Variants in CIBAR2 observed in about 807,000 individuals in gnomAD.
CIBAR2 encodes the protein CBY1 interacting BAR domain containing 2, also known as CBY1-interacting BAR domain-containing protein 2.
Under a neutral mutation model 36.2 loss-of-function variants are expected in CIBAR2, and 38 were observed. The ratio of observed to expected loss-of-function variants is 1.05; its 90% CI spans 0.81 to 1.38. The LOEUF is 1.38. Among genes scored for constraint, CIBAR2 ranks in the 40% most tolerant of loss-of-function variants. The probability of loss-of-function intolerance (pLI) is 0.00; values close to 1 mark genes in which losing one functional copy is unlikely to be tolerated. For missense variants in CIBAR2, 481 were observed against 383.4 expected (o/e 1.25, Z -2.13); for synonymous variants, 182 against 149.5 (o/e 1.22, Z -1.58).
chr16:85,099,798 T>C (rs575425375), intron 8 of CIBAR2, among the ~76,000 whole-genome samples: 1 of 15,214 alleles, frequency 6.6e-5, no homozygotes, highest in East Asian at 1.2e-3. Flanking sequence ...TAATTTTTGC[T>C]TTTTTTTTTT....
chr16:85,110,720 T>TTTTTC (rs778091487), intron 1 of CIBAR2, among the ~76,000 whole-genome samples: 10 of 135,470 alleles, frequency 7.4e-5, no homozygotes, highest in African/African-American at 2.6e-4. Context: ...TTTTTTTTTT[T>TTTTTC]TGGAGACAGA....
intron 2 of CIBAR2, among the ~76,000 whole-genome samples, chr16:85,108,886 A>G (rs2074018818): frequency 6.6e-6 from 1 of 152,094 alleles, no homozygotes; most frequent in Non-Finnish European, 1.5e-5. Flanking sequence ...GAAAACAAAA[A>G]ACAACAAAAA....
chr16:85,100,645 G>T (rs540747511), intron 7 of CIBAR2, among the ~76,000 whole-genome samples: 33 of 152,330 alleles, frequency 2.2e-4, no homozygotes, highest in African/African-American at 7.7e-4. Context: ...CCCATCAGGA[G>T]CTGGAATCAA....
chr16:85,111,734 C>T (rs1257727033), intron 1 of CIBAR2, among the ~76,000 whole-genome samples: 4 of 152,338 alleles, frequency 2.6e-5, no homozygotes, highest in East Asian at 3.9e-4. Flanking sequence ...GTCCCAGCTA[C>T]TTGGGAGGCT....
intron 7 of CIBAR2, among the ~76,000 whole-genome samples, chr16:85,100,781 C>T (rs1211012725): frequency 3.3e-5 from 5 of 152,150 alleles, no homozygotes; most frequent in Non-Finnish European, 7.4e-5. Flanking sequence ...GGCGCGGTGG[C>T]TCACACCTGT....
rs1241403155 is a variant in CIBAR2, at chr16:85,107,832, C to G, written c.426+14G>C. On this transcript the variant is annotated intron_variant, in intron 4 of 8. Transcript: ENST00000539556. ...GGCCCGGCAGCCCCAGGCCCCACTT[C>G]CAGGGAAGGATACGATCATTTGCTG... 1.9e-6 allele frequency: 3 copies of G among 1,610,172 alleles called. No individual in the cohort carries two copies. Among genetic ancestry groups the G allele is most frequent in the Non-Finnish European group, 2.6e-6 (3 of 1,176,394 alleles).
intron 1 of CIBAR2, among the ~76,000 whole-genome samples, chr16:85,111,368 A>G (rs1364445534): frequency 6.6e-6 from 1 of 152,190 alleles, no homozygotes; most frequent in Non-Finnish European, 1.5e-5. Flanking sequence ...TGAGGCCCAG[A>G]GAGGTGAAGC....
rs373050446 is a variant in CIBAR2, at chr16:85,108,125, T to C, written c.256-26A>G. The C allele has an allele frequency of 4.0e-5, 64 of 1,592,424 alleles. No homozygotes were observed. In the African/African-American group the frequency reaches 7.0e-4, roughly 17 times the overall value. ...CTGGGGGAGCGGGGACACCAGGGGA[T>C]CTGAGCGCAGGGTGCTGCCTGCCTC... On this transcript the variant is annotated intron_variant, in intron 2 of 8. Transcript: ENST00000539556.
At chr16:85,104,502 G>A (rs1014395501) in intron 6 of CIBAR2, among the ~76,000 whole-genome samples, 4 of 152,280 alleles carry the variant, frequency 2.6e-5, no homozygotes, top group East Asian at 1.9e-4. Context: ...GAGGTCAGGC[G>A]TTCGAGACCA....
rs1402949632 is a variant in CIBAR2, at chr16:85,110,370, G to T, written c.111C>A (p.Arg37=). The T allele has an allele frequency of 6.2e-7, 1 of 1,613,478 alleles. No homozygotes were observed. ...QFCSLLAAYT[R]KTARLRDKAD... is the part of the protein sequence containing the mutation. Reference sequence around the variant, plus strand: ...CCTTGTCCCGCAGCCGGGCCGTCTTGCGCGTGTAGGCGGCCAGCAGCGAGC... The same window carrying T: ...CCTTGTCCCGCAGCCGGGCCGTCTTTCGCGTGTAGGCGGCCAGCAGCGAGC... The change falls in exon 2 of 9, where the codon CGC becomes CGA. Residue 37 remains arginine, a synonymous_variant. Coordinates refer to ENST00000539556, the MANE Select transcript of CIBAR2 (RefSeq NM_198491.3).
rs537247118 is a variant in CIBAR2 at position 85,098,780 on chromosome 16, C to A, written c.*405G>T. 16 of 324,164 alleles carry A rather than the reference C, an allele frequency of 4.9e-5. No individual in the cohort carries two copies. In the South Asian group the frequency reaches 1.7e-3, roughly 35 times the overall value. The allele number at this position is 324,164 out of a possible 1,614,324, so 20.1% of individuals were successfully genotyped here. A position where few individuals can be genotyped will look rare whatever the true frequency, so the allele number is the denominator to read the frequency against. ...TGCGCAACAGGCCGGGTTTTCTGTG[C>A]TTCGTATAGATCTGTTCATCTGATA... On this transcript the variant is annotated 3_prime_UTR_variant, in exon 9 of 9. Transcript: ENST00000539556.
intron 6 of CIBAR2, among the ~76,000 whole-genome samples, chr16:85,103,326 T>C (rs537384977): frequency 2.0e-5 from 3 of 152,282 alleles, no homozygotes; most frequent in Non-Finnish European, 4.4e-5. Flanking sequence ...TCCAACACCG[T>C]GAGAAATAAA....
chr16:85,109,433 G>A (rs997060895), intron 2 of CIBAR2, among the ~76,000 whole-genome samples: 5 of 152,278 alleles, frequency 3.3e-5, no homozygotes, highest in South Asian at 4.2e-4. Context: ...AGAGAGTGCC[G>A]TTTCTGTCTG....
intron 8 of CIBAR2, among the ~76,000 whole-genome samples, chr16:85,099,797 C>CTTTTT (rs71386075): frequency 3.9e-5 from 3 of 77,530 alleles, no homozygotes; most frequent in Non-Finnish European, 2.4e-5. Flanking sequence ...CTAATTTTTG[C>CTTTTT]TTTTTTTTTT....
chr16:85,111,950 G>C (rs2144183198), intron 1 of CIBAR2, among the ~76,000 whole-genome samples: 1 of 152,368 alleles, frequency 6.6e-6, no homozygotes, highest in East Asian at 1.9e-4. Flanking sequence ...AGGGCAGGCA[G>C]GTTGTGAGAG....
At position 85,105,599 on chromosome 16, in the gene CIBAR2, G is replaced by T. The variant is rs976074583; in HGVS notation, c.433-168C>A. ...CAAAGGAATGGCTGAGTAGGACCCC[G>T]GCTGAAGGAGCAGTCACTGGAGTGA... On this transcript the variant is annotated intron_variant, in intron 5 of 8. Transcript: ENST00000539556. Among the ~76,000 whole-genome samples, 3 of 152,184 alleles carry T rather than the reference G, an allele frequency of 2.0e-5. No individual in the cohort carries two copies. The South Asian group carries it at 6.2e-4, about 32-fold the overall frequency.
intron 4 of CIBAR2, 61 bp from the exon 5 acceptor site, chr16:85,107,733 C>T (rs949208441): frequency 6.2e-6 from 10 of 1,606,234 alleles, no homozygotes; most frequent in Admixed American, 1.7e-5. Flanking sequence ...GGGTGGTCCG[C>T]CCCCTTCACA....
intron 5 of CIBAR2, 93 bp from the exon 6 acceptor site, chr16:85,105,524 C>G: frequency 1.1e-6 from 1 of 910,390 alleles, no homozygotes; most frequent in Non-Finnish European, 1.7e-6. Flanking sequence ...AAACCCTTCT[C>G]TCAGGCCAGT....
intron 8 of CIBAR2, among the ~76,000 whole-genome samples, chr16:85,099,796 G>GCT (rs1491232056): frequency 1.8e-4 from 12 of 67,668 alleles, no homozygotes; most frequent in African/African-American, 4.8e-4. Context: ...GCTAATTTTT[G>GCT]CTTTTTTTTT....
Sources: allele counts gnomAD v4.1 joint callset (sites outside exome capture counted in the v4.1 genomes callset), GRCh38; gene constraint gnomAD v4.1.1; transcripts MANE v1.5; gene names NCBI Gene and HGNC (gene_info 2026-07-23, HGNC 2026-07-21).